TWIST2: variants seen among roughly 807,000 people sequenced by gnomAD.
The protein encoded by TWIST2 is twist family bHLH transcription factor 2.
TWIST2 carries 1 observed loss-of-function variant against 11.6 expected under a neutral mutation model. The ratio of observed to expected loss-of-function variants is 0.09; its 90% CI spans 0.03 to 0.41. The LOEUF (loss-of-function observed/expected upper bound fraction) is 0.41. Among genes scored for constraint, TWIST2 ranks in the 10% least tolerant of loss-of-function variants. TWIST2 has a pLI of 0.98. For synonymous variants in TWIST2, 87 were observed against 96.6 expected (o/e 0.90, Z 0.58); for missense variants, 168 against 226.4 (o/e 0.74, Z 1.66).
intron 1 of TWIST2, among the ~76,000 whole-genome samples, chr2:238,905,932 CGCGTGT>C (rs1398655927): frequency 1.1e-4 from 12 of 109,362 alleles, no homozygotes; most frequent in East Asian, 5.9e-4. Flanking sequence ...TGTGCGTGTG[CGCGTGT>C]GTGTGCGCGC....
chr2:238,859,174 T>A (rs1692382242), intron 1 of TWIST2, among the ~76,000 whole-genome samples: 1 of 146,144 alleles, frequency 6.8e-6, no homozygotes, highest in Non-Finnish European at 1.5e-5. Context: ...ATTGCACCAC[T>A]GCACTCCAGC....
chr2:238,862,735 C>A (rs1213773453), intron 1 of TWIST2, among the ~76,000 whole-genome samples: 1 of 152,114 alleles, frequency 6.6e-6, no homozygotes, highest in East Asian at 1.9e-4. Flanking sequence ...AGCTGCCGAG[C>A]AACAAAGAAA....
intron 1 of TWIST2, among the ~76,000 whole-genome samples, chr2:238,856,839 C>T (rs1324220950): frequency 6.6e-6 from 1 of 152,186 alleles, no homozygotes; most frequent in Non-Finnish European, 1.5e-5. Context: ...AGCAGGGCCC[C>T]TCCACACTGC....
intron 1 of TWIST2, among the ~76,000 whole-genome samples, chr2:238,893,482 C>T (rs1693172817): frequency 6.6e-6 from 1 of 152,264 alleles, no homozygotes; most frequent in Non-Finnish European, 1.5e-5. Context: ...CCCGCCCTCC[C>T]CAGAAGCACA....
chr2:238,860,276 C>T (rs151154655), intron 1 of TWIST2, among the ~76,000 whole-genome samples: 29,630 of 152,156 alleles, frequency 0.19, 3,122 homozygotes, highest in East Asian at 0.37. Context: ...GGCACTAACT[C>T]GTTCAGCACC....
intron 1 of TWIST2, among the ~76,000 whole-genome samples, chr2:238,876,113 G>T (rs577257829): frequency 1.3e-5 from 2 of 152,310 alleles, no homozygotes; most frequent in East Asian, 3.9e-4. Context: ...CAGTGCACCG[G>T]TCACTGCCCC....
At chr2:238,849,271 C>T (rs1692195397) in intron 1 of TWIST2, among the ~76,000 whole-genome samples, 1 of 152,218 alleles carries the variant, frequency 6.6e-6, no homozygotes, top group Admixed American at 6.5e-5. Context: ...GCCTGGGGTC[C>T]CCGGCCGTCG....
intron 1 of TWIST2, among the ~76,000 whole-genome samples, chr2:238,879,749 A>G (rs1692872815): frequency 6.6e-6 from 1 of 152,262 alleles, no homozygotes. Flanking sequence ...CCACACAGGC[A>G]GTACCTGTGG....
At chr2:238,870,111 C>T in intron 1 of TWIST2, among the ~76,000 whole-genome samples, 1 of 146,232 alleles carries the variant, frequency 6.8e-6, no homozygotes, top group East Asian at 2.1e-4. Flanking sequence ...TACACAGACA[C>T]ACCATACACC....
rs2106373648 is a variant in TWIST2, at chr2:238,902,616, T to G, written c.*36-7226T>G. On this transcript the variant is annotated intron_variant, in intron 1 of 1. Transcript: ENST00000612363. The stretch of plus-strand genomic sequence containing the variant: ...TAGTGTGTGTGATATGAGTTGTGCA[T>G]GATGTGAGGTGTGTGATATGAGGTG... Among the ~76,000 whole-genome samples, 2 of 147,782 alleles carry G rather than the reference T, an allele frequency of 1.4e-5. 1 individual carries two copies. Among genetic ancestry groups the G allele is most frequent in the East Asian group, 4.1e-4 (2 of 4,908 alleles).
At chr2:238,852,751 G>T (rs1047104365) in intron 1 of TWIST2, among the ~76,000 whole-genome samples, 4 of 152,152 alleles carry the variant, frequency 2.6e-5, no homozygotes, top group African/African-American at 7.2e-5. Flanking sequence ...CGATATTGAC[G>T]CCAGTTTCCT....
intron 1 of TWIST2, among the ~76,000 whole-genome samples, chr2:238,889,916 C>T (rs1438411218): frequency 2.6e-5 from 4 of 152,058 alleles, no homozygotes; most frequent in East Asian, 1.9e-4. Context: ...CACATGTCGG[C>T]GAGGGTGCCC....
chr2:238,863,455 G>T lies in TWIST2; in HGVS notation c.*35+14722G>T, dbSNP rs572626606. On this transcript the variant is annotated intron_variant, in intron 1 of 1. Coordinates refer to ENST00000612363, the MANE Select transcript of TWIST2 (RefSeq NM_001271893.4). This position sits in a 1 kb window ranked among gnomAD's most constrained non-coding sequence, Gnocchi z 4.7. ...GCGGCTCCCTGATGGAGCTGGCGAC[G>T]TCCTTTGGCAGTGAGGGCTGTGCGG... 6.6e-6 allele frequency among the ~76,000 whole-genome samples: 1 copy of T among 152,188 alleles called. No homozygotes were observed. Among genetic ancestry groups the T allele is most frequent in the African/African-American group, 2.4e-5 (1 of 41,432 alleles).
At chr2:238,859,020 T>C (rs1234197171) in intron 1 of TWIST2, among the ~76,000 whole-genome samples, 1 of 152,148 alleles carries the variant, frequency 6.6e-6, no homozygotes, top group Non-Finnish European at 1.5e-5. Flanking sequence ...AAGACCAGCC[T>C]GGCCAACATG....
chr2:238,896,169 G>A (rs1432539033), intron 1 of TWIST2, among the ~76,000 whole-genome samples: 2 of 152,286 alleles, frequency 1.3e-5, no homozygotes, highest in East Asian at 1.9e-4. Flanking sequence ...GCGGGGATCC[G>A]GAAGACGGCT....
chr2:238,899,848 C>A (rs1693248696), intron 1 of TWIST2, among the ~76,000 whole-genome samples: 1 of 152,174 alleles, frequency 6.6e-6, no homozygotes, highest in Admixed American at 6.5e-5. Context: ...ACCGTGTCAT[C>A]TTTTTATGAA....
rs193179277 is a variant in TWIST2, at chr2:238,876,599, T to A, written c.*35+27866T>A. ...AAAACCTGTCAGGGATAGGAGAAACTCTCTCTCAGTAGGAGCTTAGATTAA... is the reference window on the plus strand; with the variant it reads ...AAAACCTGTCAGGGATAGGAGAAACACTCTCTCAGTAGGAGCTTAGATTAA... On this transcript the variant is annotated intron_variant, in intron 1 of 1. Transcript: ENST00000612363. 3.3e-5 allele frequency among the ~76,000 whole-genome samples: 5 copies of A among 152,288 alleles called. 1 individual carries two copies. The highest frequency in any genetic ancestry group is 2.0e-4 in the Admixed American group (3 of 15,304).
rs1043705183 is a variant in TWIST2 at position 238,863,672 on chromosome 2, G to C, written c.*35+14939G>C. ...ACTTCAGCTTTGGGGAAGCAAGTGG[G>C]AAAAAACCTCAATGAACCCCTTAGC... On this transcript the variant is annotated intron_variant, in intron 1 of 1. Coordinates refer to ENST00000612363, the MANE Select transcript of TWIST2 (RefSeq NM_001271893.4). The surrounding 1 kb of genome is among the most constrained non-coding windows in gnomAD (Gnocchi z 4.7). 3.9e-5 allele frequency among the ~76,000 whole-genome samples: 6 copies of C among 152,044 alleles called. No individual in the cohort carries two copies. Among genetic ancestry groups the C allele is most frequent in the Non-Finnish European group, 8.8e-5 (6 of 67,996 alleles).
rs36175967 is a variant in TWIST2 at position 238,867,944 on chromosome 2, G to A, written c.*35+19211G>A. Among the ~76,000 whole-genome samples the A allele has an allele frequency of 0.87, 133,119 of 152,210 alleles. 59,077 individuals are homozygous for A. Among genetic ancestry groups the A allele is most frequent in the African/African-American group, 0.96 (40,004 of 41,546 alleles). On this transcript the variant is annotated intron_variant, in intron 1 of 1. Coordinates refer to ENST00000612363, the MANE Select transcript of TWIST2 (RefSeq NM_001271893.4). The surrounding 1 kb of genome is among the most constrained non-coding windows in gnomAD (Gnocchi z 4.8). ...TGTTGGAGCAGAGACTGTGGTCAGC[G>A]GAAGGCATGAGAGGGGCCACCCTCC...
Sources: gnomAD v4.1 joint callset for allele counts (sites outside exome capture counted in the v4.1 genomes callset) on GRCh38, gnomAD v4.1.1 for gene constraint, Gnocchi (gnomAD v3.1) non-coding constraint, MANE v1.5 for transcripts, NCBI Gene and HGNC (gene_info 2026-07-23, HGNC 2026-07-21) for gene names.